Variants in TRAPPC6B observed in about 807,000 individuals in gnomAD.
TRAPPC6B encodes TRAPP complex subunit 6B.
A neutral mutation model predicts 24.7 loss-of-function variants in TRAPPC6B; 27 were observed. The ratio of observed to expected loss-of-function variants is 1.09; its 90% CI spans 0.81 to 1.51. The LOEUF is 1.51. TRAPPC6B is among the 40% of genes most tolerant of loss of function. The probability of loss-of-function intolerance (pLI) is 0.00; values close to 1 mark genes in which losing one functional copy is unlikely to be tolerated. For missense variants in TRAPPC6B, 212 were observed against 190.8 expected, an observed-to-expected ratio of 1.11 and a Z score of -0.66; for synonymous variants, 80 against 66.6, an observed-to-expected ratio of 1.20 and a Z score of -0.98.
intron 1 of TRAPPC6B, 142 bp downstream of exon 1, chr14:39,169,872 GT>G (rs2053148839): frequency 5.6e-6 from 4 of 712,366 alleles, no homozygotes; most frequent in Non-Finnish European, 9.9e-6. Context: ...AGGTTCTAGG[GT>G]TTAGGACACC....
Position 39,165,072 on chromosome 14 carries a change from G to A in TRAPPC6B, c.81+4943C>T, listed in dbSNP as rs189783131. ...CTTTTTTTTTTTTTTTTGAGACGGA[G>A]TCTCGCTCAGTTGCCCAGGCTGGAG... is the stretch of plus-strand genomic sequence containing the variant. On this transcript the variant is annotated intron_variant, in intron 1 of 5. Coordinates refer to ENST00000330149, the MANE Select transcript of TRAPPC6B (RefSeq NM_001079537.2). 1.2e-3 allele frequency among the ~76,000 whole-genome samples: 180 copies of A among 148,144 alleles called. 2 individuals are homozygous for A. The highest frequency in any genetic ancestry group is 4.3e-3 in the African/African-American group (172 of 39,888).
At chr14:39,167,871 G>GAAAAA (rs59380407) in intron 1 of TRAPPC6B, among the ~76,000 whole-genome samples, 1 of 147,966 alleles carries the variant, frequency 6.8e-6, no homozygotes. Context: ...TAACCCACGG[G>GAAAAA]AAAAAAAAAA....
intron 1 of TRAPPC6B, among the ~76,000 whole-genome samples, chr14:39,161,536 C>T (rs189223488): frequency 6.6e-6 from 1 of 152,200 alleles, no homozygotes; most frequent in East Asian, 1.9e-4. Context: ...TAATTTCTCC[C>T]CAAAAAGTCA....
At position 39,159,255 on chromosome 14, in the gene TRAPPC6B, GAA is replaced by G. The variant is rs1267736115; in HGVS notation, c.149+226_149+227del. 1.3e-5 allele frequency: 3 copies of G among 231,590 alleles called. No individual in the cohort carries two copies. In the East Asian group the frequency reaches 2.6e-4, roughly 20 times the overall value. The allele number at this position is 231,590 out of a possible 1,614,324, so 14.3% of individuals were successfully genotyped here. On this transcript the variant is annotated intron_variant, in intron 2 of 5. Transcript: ENST00000330149. ...ATAAAGTCTAAAATAGCTTCAGGAA[GAA>G]AGTCTAAAATATATAAAATATATAT... is the stretch of plus-strand genomic sequence containing the variant.
In TRAPPC6B at chr14:39,170,082, G is replaced by A; in HGVS notation, c.14C>T (p.Ala5Val). 1 of 1,614,110 alleles carries A rather than the reference G, an allele frequency of 6.2e-7. No homozygotes were observed. Among genetic ancestry groups the A allele is most frequent in the Non-Finnish European group, 8.5e-7 (1 of 1,179,990 alleles). ...CTCGTTATGGAGAAGCAAAAACAACGCCTCATCCGCCATTTCCTGCTAATT... is the reference window on the plus strand; with the variant it reads ...CTCGTTATGGAGAAGCAAAAACAACACCTCATCCGCCATTTCCTGCTAATT... MADE[A>V]LFLLLHNEMV... Residue 5 changes from alanine to valine, a missense_variant, in exon 1 of 6, where the codon GCG becomes GTG. Physicochemically the swap from Ala to Val is moderately conservative, Grantham distance 64. Coordinates refer to ENST00000330149, the MANE Select transcript of TRAPPC6B (RefSeq NM_001079537.2).
chr14:39,154,429 T>C, intron 3 of TRAPPC6B, 135 bp from the exon 4 acceptor site: 1 of 614,084 alleles, frequency 1.6e-6, no homozygotes, highest in East Asian at 2.8e-5. Flanking sequence ...GTTTTCTTTT[T>C]CTGTTCTTTG....
At position 39,170,084 on chromosome 14, in the gene TRAPPC6B, C is replaced by T. The variant is rs142390878; in HGVS notation, c.12G>A (p.Glu4=). The T allele has an allele frequency of 3.4e-5, 55 of 1,614,176 alleles. No homozygotes were observed. The African/African-American group carries it at 6.5e-4, about 19-fold the overall frequency. Residue 4 remains glutamate, a synonymous_variant, in exon 1 of 6, where the codon GAG becomes GAA. Coordinates refer to ENST00000330149, the MANE Select transcript of TRAPPC6B (RefSeq NM_001079537.2). Reference sequence around the variant, plus strand: ...CGTTATGGAGAAGCAAAAACAACGCCTCATCCGCCATTTCCTGCTAATTCT... The same window carrying T: ...CGTTATGGAGAAGCAAAAACAACGCTTCATCCGCCATTTCCTGCTAATTCT... The part of the protein sequence containing the change: MAD[E]ALFLLLHNEM...
In TRAPPC6B at chr14:39,151,845, A is replaced by T. The variant is rs776992865; in HGVS notation, c.352-6T>A. On this transcript the variant is annotated splice_polypyrimidine_tract_variant and splice_region_variant and intron_variant, in intron 4 of 5. Transcript: ENST00000330149. The stretch of plus-strand genomic sequence containing the variant: ...CCACACGTAAATGCTAAATACTAAA[A>T]GGAAAAAAAATCATTAAAAATAGTA... 6.3e-7 allele frequency: 1 copy of T among 1,576,958 alleles called. No individual in the cohort carries two copies. Among genetic ancestry groups the T allele is most frequent in the Non-Finnish European group, 8.6e-7 (1 of 1,162,458 alleles).
chr14:39,167,588 C>T (rs1408099105), intron 1 of TRAPPC6B, among the ~76,000 whole-genome samples: 2 of 152,096 alleles, frequency 1.3e-5, no homozygotes, highest in African/African-American at 4.8e-5. Flanking sequence ...TTCAAGCACA[C>T]TCAAAGTATG....
intron 3 of TRAPPC6B, among the ~76,000 whole-genome samples, chr14:39,154,844 G>C (rs912093953): frequency 6.6e-6 from 1 of 152,184 alleles, no homozygotes; most frequent in Non-Finnish European, 1.5e-5. Flanking sequence ...AACACTGTCT[G>C]AGACATAGTC....
intron 3 of TRAPPC6B, chr14:39,157,286 T>C (rs745450063): frequency 1.6e-5 from 6 of 375,520 alleles, no homozygotes; most frequent in South Asian, 2.4e-5. Context: ...CAGCTGAAAG[T>C]GCCTCCTACA....
intron 1 of TRAPPC6B, among the ~76,000 whole-genome samples, chr14:39,168,059 C>CA (rs1042095580): frequency 2.0e-5 from 3 of 151,794 alleles, no homozygotes; most frequent in Non-Finnish European, 4.4e-5. Context: ...ACTAAAAATA[C>CA]AAAAAAATTA....
intron 1 of TRAPPC6B, among the ~76,000 whole-genome samples, chr14:39,161,137 C>G (rs531921282): frequency 1.2e-3 from 187 of 152,202 alleles, no homozygotes; most frequent in Non-Finnish European, 1.5e-3. Context: ...GTTTTTATTT[C>G]TTTGTTTGTT....
chr14:39,153,477 A>T (rs2052938881), intron 4 of TRAPPC6B, among the ~76,000 whole-genome samples: 1 of 151,406 alleles, frequency 6.6e-6, no homozygotes, highest in African/African-American at 2.4e-5. Flanking sequence ...AATTTTTTTA[A>T]AAATTAGCCA....
chr14:39,163,624 C>T (rs906938560), intron 1 of TRAPPC6B, among the ~76,000 whole-genome samples: 1 of 150,718 alleles, frequency 6.6e-6, no homozygotes, highest in African/African-American at 2.5e-5. Context: ...CCCCTTGTTC[C>T]CCTCTCTGCT....
Position 39,150,314 on chromosome 14 carries a change from T to A in TRAPPC6B, c.*36A>T, listed in dbSNP as rs775565275. The A allele has an allele frequency of 1.3e-6, 2 of 1,547,904 alleles. No individual in the cohort carries two copies. Among genetic ancestry groups the A allele is most frequent in the South Asian group, 2.4e-5 (2 of 83,514 alleles). On this transcript the variant is annotated 3_prime_UTR_variant, in exon 6 of 6. Coordinates refer to ENST00000330149, the MANE Select transcript of TRAPPC6B (RefSeq NM_001079537.2). The stretch of plus-strand genomic sequence containing the variant: ...AATACTTTTACATGAATAATTTATC[T>A]CTTTACACTGTTGAAGCCTTGCATT...
intron 4 of TRAPPC6B, among the ~76,000 whole-genome samples, chr14:39,152,502 A>C (rs2052926891): frequency 6.6e-6 from 1 of 152,224 alleles, no homozygotes. Flanking sequence ...GGAATTTTTG[A>C]TTACCCACAT....
chr14:39,153,768 G>A (rs915056977), intron 4 of TRAPPC6B, among the ~76,000 whole-genome samples: 10 of 147,484 alleles, frequency 6.8e-5, no homozygotes, highest in African/African-American at 2.5e-5. Flanking sequence ...ATGATAGCAC[G>A]ATCTCAGCTC....
intron 3 of TRAPPC6B, among the ~76,000 whole-genome samples, chr14:39,156,115 A>T (rs2052975348): frequency 6.6e-6 from 1 of 152,144 alleles, no homozygotes; most frequent in Non-Finnish European, 1.5e-5. Context: ...TTAGTAAATC[A>T]TGTCTAGAGA....
Sources: allele counts gnomAD v4.1 joint callset (sites outside exome capture counted in the v4.1 genomes callset), GRCh38; gene constraint gnomAD v4.1.1; transcripts MANE v1.5; gene names NCBI Gene and HGNC (gene_info 2026-07-23, HGNC 2026-07-21).